The following YAP1 variants were observed in gnomAD, a reference collection of about 807,000 sequenced individuals.
The protein encoded by YAP1 is transcriptional coactivator YAP1.
A neutral mutation model predicts 56.9 loss-of-function variants in YAP1; 5 were observed. The observed-to-expected ratio is 0.09, with a 90% CI of 0.05 to 0.18. The LOEUF is 0.18. YAP1 is among the 10% of genes least tolerant of loss of function. The probability of loss-of-function intolerance (pLI) is 1.00; values close to 1 mark genes in which losing one functional copy is unlikely to be tolerated. For missense variants in YAP1, 539 were observed against 651.8 expected (o/e 0.83, Z 1.88); for synonymous variants, 265 against 248.1 (o/e 1.07, Z -0.64).
At chr11:102,200,494 G>A (rs2135570779) in intron 4 of YAP1, among the ~76,000 whole-genome samples, 1 of 150,806 alleles carries the variant, frequency 6.6e-6, no homozygotes, top group Non-Finnish European at 1.5e-5. Context: ...GCCCAGGCTG[G>A]AGTGCAATGA....
At chr11:102,168,689 A>G (rs1946736319) in intron 3 of YAP1, among the ~76,000 whole-genome samples, 1 of 152,136 alleles carries the variant, frequency 6.6e-6, no homozygotes, top group Non-Finnish European at 1.5e-5. Flanking sequence ...TGAAGTGGGG[A>G]AAAATGTTCA....
chr11:102,139,585 G>T (rs1944887764), intron 2 of YAP1, among the ~76,000 whole-genome samples: 1 of 152,148 alleles, frequency 6.6e-6, no homozygotes, highest in Non-Finnish European at 1.5e-5. Flanking sequence ...GCTAGTTTTT[G>T]GGTGTTCGGG....
chr11:102,172,374 C>T (rs1489643204), intron 3 of YAP1, among the ~76,000 whole-genome samples: 6 of 137,920 alleles, frequency 4.4e-5, no homozygotes, highest in South Asian at 4.7e-4. Context: ...TGCAGTGGCA[C>T]GATCACAGCT....
Position 102,193,575 on chromosome 11 carries a change from C to T in YAP1, c.802+7444C>T, listed in dbSNP as rs1029407918. Among the ~76,000 whole-genome samples, 5 of 152,220 alleles carry T rather than the reference C, an allele frequency of 3.3e-5. No individual in the cohort carries two copies. In the South Asian group the frequency reaches 6.2e-4, roughly 19 times the overall value. On this transcript the variant is annotated intron_variant, in intron 4 of 8. Transcript: ENST00000282441. Reference sequence around the variant, plus strand: ...ACCAAGGCTGAGTAGACATATGTTACGGAGGATAAACTAATAGGTAATTTC... The same window carrying T: ...ACCAAGGCTGAGTAGACATATGTTATGGAGGATAAACTAATAGGTAATTTC...
At chr11:102,134,200 G>A (rs1352645014) in intron 2 of YAP1, among the ~76,000 whole-genome samples, 5 of 152,112 alleles carry the variant, frequency 3.3e-5, no homozygotes, top group Non-Finnish European at 7.4e-5. Flanking sequence ...CAGCTATTTA[G>A]GTAGTGGTGG....
intron 2 of YAP1, among the ~76,000 whole-genome samples, chr11:102,131,645 T>C (rs1349948867): frequency 6.6e-6 from 1 of 152,204 alleles, no homozygotes; most frequent in African/African-American, 2.4e-5. Context: ...TGCATAATTA[T>C]GATTGCCCTT....
At chr11:102,216,982 A>G (rs939069787) in intron 6 of YAP1, among the ~76,000 whole-genome samples, 2 of 152,356 alleles carry the variant, frequency 1.3e-5, no homozygotes, top group South Asian at 4.1e-4. Flanking sequence ...ATCTTAGCTA[A>G]TGTGGGACAC....
chr11:102,169,640 A>G (rs1358895499), intron 3 of YAP1, among the ~76,000 whole-genome samples: 1 of 152,044 alleles, frequency 6.6e-6, no homozygotes, highest in Non-Finnish European at 1.5e-5. Flanking sequence ...AAAAACACTT[A>G]TTTTTTTTGA....
At chr11:102,173,443 T>C (rs924124628) in intron 3 of YAP1, among the ~76,000 whole-genome samples, 26 of 152,340 alleles carry the variant, frequency 1.7e-4, no homozygotes, top group South Asian at 1.5e-3. Flanking sequence ...CATTTTCTTA[T>C]ATTTAAAGCT....
At chr11:102,153,190 C>T (rs1945762315) in intron 2 of YAP1, among the ~76,000 whole-genome samples, 1 of 152,128 alleles carries the variant, frequency 6.6e-6, no homozygotes, top group Admixed American at 6.5e-5. Flanking sequence ...CCAGTTAGGC[C>T]TAGTCTTTGT....
At position 102,111,143 on chromosome 11, in the gene YAP1, C is replaced by T; in HGVS notation, c.295C>T (p.Pro99Ser). The T allele has an allele frequency of 6.2e-7, 1 of 1,613,216 alleles. No individual in the cohort carries two copies. Among genetic ancestry groups the T allele is most frequent in the Non-Finnish European group, 8.5e-7 (1 of 1,179,850 alleles). The change falls in exon 1 of 9, where the codon CCG (proline) becomes TCG (serine). Residue 99 changes from proline to serine, a missense_variant. Coordinates refer to ENST00000282441, the MANE Select transcript of YAP1 (RefSeq NM_001130145.3). Reference protein sequence around the residue: ...RKLPDSFFKPPEPKSHSRQAS... With the variant: ...RKLPDSFFKPSEPKSHSRQAS... ...GCTGCCCGACTCCTTCTTCAAGCCG[C>T]CGGAGCCCAAATCCCACTCCCGACA...
In YAP1 at chr11:102,229,750, C is replaced by T; in HGVS notation, c.1325C>T (p.Pro442Leu). Residue 442 changes from proline (P) to leucine (L), a missense_variant, in exon 9 of 9, where the codon CCA becomes CTA. Around this residue, in one of 4 missense-constraint regions of YAP1, gnomAD observed 414 missense variants for 512.4 expected, o/e 0.81. Coordinates refer to ENST00000282441, the MANE Select transcript of YAP1 (RefSeq NM_001130145.3). The part of the protein sequence containing the change: ...STLPSQQNRF[P>L]DYLEAIPGTN... ...CTGCCCTCACAGCAGAACCGTTTCC[C>T]AGACTACCTTGAAGCCATTCCTGGG... 2 of 1,614,154 alleles carry T rather than the reference C, an allele frequency of 1.2e-6. No homozygotes were observed. Among genetic ancestry groups the T allele is most frequent in the Non-Finnish European group, 1.7e-6 (2 of 1,180,002 alleles).
At chr11:102,218,395 T>C (rs892227254) in intron 6 of YAP1, among the ~76,000 whole-genome samples, 16 of 152,230 alleles carry the variant, frequency 1.1e-4, no homozygotes, top group African/African-American at 3.9e-4. Context: ...GCTGTTACAC[T>C]GTTATAACTG....
At chr11:102,178,865 G>A (rs982262987) in intron 3 of YAP1, among the ~76,000 whole-genome samples, 3 of 152,148 alleles carry the variant, frequency 2.0e-5, no homozygotes, top group African/African-American at 7.2e-5. Flanking sequence ...TCTGCTTCTG[G>A]TGAGGACCTC....
intron 3 of YAP1, among the ~76,000 whole-genome samples, chr11:102,167,284 G>T (rs898543089): frequency 9.2e-5 from 14 of 152,180 alleles, no homozygotes; most frequent in Non-Finnish European, 1.5e-4. Flanking sequence ...GAAAGAATTT[G>T]AAAGGTGAAG....
In YAP1 at chr11:102,227,270, G is replaced by C. The variant is rs142308981; in HGVS notation, c.1164-199G>C. ...CCTTAGAGCTGCCAGCTTCAATTAGGATTAACTTGTCTATTTCACTTCATA... is the reference window on the plus strand; with the variant it reads ...CCTTAGAGCTGCCAGCTTCAATTAGCATTAACTTGTCTATTTCACTTCATA... On this transcript the variant is annotated intron_variant, in intron 7 of 8. Coordinates refer to ENST00000282441, the MANE Select transcript of YAP1 (RefSeq NM_001130145.3). Among the ~76,000 whole-genome samples, 1,228 of 152,270 alleles carry C rather than the reference G, an allele frequency of 8.1e-3. 16 individuals carry two copies. The highest frequency in any genetic ancestry group is 0.013 in the Non-Finnish European group (909 of 68,018).
chr11:102,214,553 C>CA (rs1949569219), intron 6 of YAP1, among the ~76,000 whole-genome samples: 1 of 152,164 alleles, frequency 6.6e-6, no homozygotes, highest in African/African-American at 2.4e-5. Context: ...AACTGTCTTT[C>CA]ATGTTAGCTG....
At chr11:102,117,750 T>C (rs974004918) in intron 2 of YAP1, among the ~76,000 whole-genome samples, 3 of 152,238 alleles carry the variant, frequency 2.0e-5, no homozygotes, top group Non-Finnish European at 4.4e-5. Context: ...CTGGGATGAA[T>C]GTGAAGTATG....
chr11:102,126,349 T>A (rs1944034551), intron 2 of YAP1, among the ~76,000 whole-genome samples: 1 of 152,190 alleles, frequency 6.6e-6, no homozygotes, highest in Non-Finnish European at 1.5e-5. Context: ...CAATGTGAAT[T>A]TTATCTCCCA....
Sources: allele counts gnomAD v4.1 joint callset (sites outside exome capture counted in the v4.1 genomes callset), GRCh38; gene constraint gnomAD v4.1.1; regional missense constraint gnomAD v4.1.1; transcripts MANE v1.5; gene names NCBI Gene and HGNC (gene_info 2026-07-23, HGNC 2026-07-21).